The following ANK3 variants were observed in gnomAD, a reference collection of about 807,000 sequenced individuals.
The protein encoded by ANK3 is ankyrin 3.
In ANK3, 57 loss-of-function variants were observed where a neutral mutation model predicts 370.9. That is an observed-to-expected ratio of 0.15 (90% CI 0.12 to 0.19). ANK3 has a LOEUF of 0.19. Ranked by LOEUF, ANK3 falls within the 10% of genes least tolerant of loss-of-function variation. ANK3 has a pLI of 1.00. For synonymous variants in ANK3, 1,929 were observed against 1,946.3 expected, an observed-to-expected ratio of 0.99 and a Z score of 0.23; for missense variants, 4,439 against 5,302.1, an observed-to-expected ratio of 0.84 and a Z score of 5.06.
At chr10:60,448,515 A>G (rs2064511006) in intron 2 of ANK3, among the ~76,000 whole-genome samples, 2 of 152,206 alleles carry the variant, frequency 1.3e-5, no homozygotes, top group Admixed American at 1.3e-4. Flanking sequence ...CTGTTTTCTA[A>G]GACAGTTAGT....
chr10:60,037,707 A>C (rs1231142322), intron 43 of ANK3, among the ~76,000 whole-genome samples: 1 of 152,120 alleles, frequency 6.6e-6, no homozygotes, highest in Non-Finnish European at 1.5e-5. Context: ...ATGGGCATTT[A>C]GGTTGATTCC....
At chr10:60,140,662 A>T in intron 23 of ANK3, 1 of 1,325,408 alleles carries the variant, frequency 7.5e-7, no homozygotes, top group Non-Finnish European at 9.6e-7. Flanking sequence ...CTTCGCAGAC[A>T]TCCTTTTAAA....
intron 2 of ANK3, among the ~76,000 whole-genome samples, chr10:60,433,451 G>T (rs10821764): frequency 0.36 from 55,327 of 151,982 alleles, 10,405 homozygotes; most frequent in South Asian, 0.43. Context: ...TTAGCCCCAG[G>T]TGTAGTGGTG....
At position 60,694,062 on chromosome 10, in the gene ANK3, A is replaced by T. The variant is rs2079403003; in HGVS notation, c.57+39201T>A. 2.0e-5 allele frequency among the ~76,000 whole-genome samples: 3 copies of T among 152,256 alleles called. No homozygotes were observed. In the South Asian group the frequency reaches 6.2e-4, roughly 32 times the overall value. On this transcript the variant is annotated intron_variant, in intron 1 of 43. Transcript: ENST00000373827. ...TACAGAGAAGTGCTTAAAGGAGCTG[A>T]TGGAGCTGAAAACCAAGGCTCGAGA...
At chr10:60,094,972 G>T (rs1341827275) in intron 28 of ANK3, among the ~76,000 whole-genome samples, 4 of 152,178 alleles carry the variant, frequency 2.6e-5, no homozygotes, top group Non-Finnish European at 5.9e-5. Context: ...GCTCAGTGCT[G>T]GAAAATAGAG....
intron 2 of ANK3, among the ~76,000 whole-genome samples, chr10:60,456,365 G>A (rs1370619908): frequency 6.6e-6 from 1 of 152,160 alleles, no homozygotes; most frequent in African/African-American, 2.4e-5. Flanking sequence ...TCAAGCATTA[G>A]TTTCTATAAT....
At chr10:60,659,208 A>AT (rs2078905794) in intron 1 of ANK3, among the ~76,000 whole-genome samples, 1 of 152,078 alleles carries the variant, frequency 6.6e-6, no homozygotes, top group African/African-American at 2.4e-5. Context: ...TAAAGTATCT[A>AT]TTTTTCCAGC....
chr10:60,198,504 G>A lies in ANK3; in HGVS notation c.1525C>T (p.Leu509=). The stretch of plus-strand genomic sequence containing the variant: ...TGTTGTACTATGTCTGCTTTCCCCA[G>A]TCGGGCTGAAATGTGGAGTGGTGTT... The part of the protein sequence containing the change: ...DQTPLHISAR[L]GKADIVQQLL... Residue 509 remains leucine, a synonymous_variant, in exon 14 of 44, where the codon CTG becomes TTG. Coordinates refer to ENST00000280772, the MANE Select transcript of ANK3 (RefSeq NM_020987.5). 1 of 1,614,182 alleles carries A rather than the reference G, an allele frequency of 6.2e-7. No homozygotes were observed. Among genetic ancestry groups the A allele is most frequent in the Non-Finnish European group, 8.5e-7 (1 of 1,180,036 alleles).
chr10:60,708,112 C>A (rs1212862421), intron 1 of ANK3, among the ~76,000 whole-genome samples: 1 of 152,068 alleles, frequency 6.6e-6, no homozygotes, highest in African/African-American at 2.4e-5. Context: ...GCCAGGGAGC[C>A]CTTCCCACTT....
intron 1 of ANK3, among the ~76,000 whole-genome samples, chr10:60,360,587 T>C (rs2058448337): frequency 6.6e-6 from 1 of 152,056 alleles, no homozygotes; most frequent in South Asian, 2.1e-4. Flanking sequence ...TATGCACCTG[T>C]AGTTCCAGCT....
chr10:60,411,125 A>C (rs78303639), intron 2 of ANK3, among the ~76,000 whole-genome samples: 2,689 of 152,276 alleles, frequency 0.018, 92 homozygotes, highest in African/African-American at 0.061. Flanking sequence ...TGCAGCCTCT[A>C]CACCAAGCCA....
At chr10:60,185,507 ACT>A (rs2096300755) in intron 17 of ANK3, among the ~76,000 whole-genome samples, 1 of 152,216 alleles carries the variant, frequency 6.6e-6, no homozygotes, top group Non-Finnish European at 1.5e-5. Flanking sequence ...TAGGATTCAA[ACT>A]CTCTGTGATT....
chr10:60,325,458 C>A (rs1396488908), intron 1 of ANK3, among the ~76,000 whole-genome samples: 1 of 152,166 alleles, frequency 6.6e-6, no homozygotes, highest in Non-Finnish European at 1.5e-5. Context: ...CACCACCAAC[C>A]CAGGGCTTTC....
intron 2 of ANK3, among the ~76,000 whole-genome samples, chr10:60,408,861 T>A (rs780373882): frequency 6.6e-6 from 1 of 152,168 alleles, no homozygotes; most frequent in Non-Finnish European, 1.5e-5. Context: ...CAGGCTTTTA[T>A]ATGAACTCAA....
At chr10:60,272,823 T>G (rs948499908) in intron 4 of ANK3, among the ~76,000 whole-genome samples, 10 of 152,082 alleles carry the variant, frequency 6.6e-5, no homozygotes, top group African/African-American at 2.4e-4. Flanking sequence ...CAGACATGAA[T>G]ATCAACAAGA....
chr10:60,578,255 G>A (rs540943984), intron 2 of ANK3, among the ~76,000 whole-genome samples: 1 of 152,268 alleles, frequency 6.6e-6, no homozygotes, highest in Non-Finnish European at 1.5e-5. Context: ...AAGACACATA[G>A]CTGTTAAATG....
At chr10:60,413,052 C>G (rs573955338) in intron 2 of ANK3, among the ~76,000 whole-genome samples, 42 of 152,320 alleles carry the variant, frequency 2.8e-4, no homozygotes, top group African/African-American at 9.9e-4. Flanking sequence ...TAAAACCTGA[C>G]TTTACAAAAC....
intron 1 of ANK3, among the ~76,000 whole-genome samples, chr10:60,378,200 T>C (rs569680960): frequency 6.6e-6 from 1 of 152,290 alleles, no homozygotes; most frequent in African/African-American, 2.4e-5. Context: ...ACATTTTGTC[T>C]GTATCATCAG....
In ANK3 at chr10:60,106,011, C is replaced by G; in HGVS notation, c.3222G>C (p.Glu1074Asp). The change falls in exon 28 of 44, where the codon GAG (glutamate) becomes GAC (aspartate). Residue 1074 changes from glutamate to aspartate, a missense_variant. Physicochemically the swap from Glu to Asp is conservative, Grantham distance 45. This residue lies in a region of ANK3 where 702 missense variants were observed against 941.5 expected (regional missense o/e 0.75). Transcript: ENST00000280772. ...IPHFGSMRGK[E>D]RELIVLRSEN... The stretch of plus-strand genomic sequence containing the variant: ...CACTTCGAAGAACAATGAGTTCTCT[C>G]TCTTTTCCTCTCATGGACCCAAAGT... 6.2e-7 allele frequency: 1 copy of G among 1,612,634 alleles called. No individual in the cohort carries two copies. Among genetic ancestry groups the G allele is most frequent in the Non-Finnish European group, 8.5e-7 (1 of 1,179,352 alleles).
Sources: gnomAD v4.1 joint callset for allele counts (sites outside exome capture counted in the v4.1 genomes callset) on GRCh38, gnomAD v4.1.1 for gene constraint, gnomAD v4.1.1 regional missense constraint, MANE v1.5 for transcripts, NCBI Gene and HGNC (gene_info 2026-07-23, HGNC 2026-07-21) for gene names.